The following ELOVL7 variants were observed in gnomAD, a reference collection of about 807,000 sequenced individuals.
The protein encoded by ELOVL7 is very long chain fatty acid elongase 7.
In ELOVL7, 27 loss-of-function variants were observed where a neutral mutation model predicts 35.7. The observed-to-expected ratio is 0.76, with a 90% CI of 0.56 to 1.04. The LOEUF (loss-of-function observed/expected upper bound fraction) is 1.04. ELOVL7 is among the 50% of genes least tolerant of loss of function. The pLI, the probability that ELOVL7 is intolerant of heterozygous loss-of-function variation, is 0.00. For synonymous variants in ELOVL7, 113 were observed against 114.6 expected (o/e 0.99, Z 0.09); for missense variants, 327 against 340.8 (o/e 0.96, Z 0.32).
At chr5:60,759,990 A>G (rs1259720879) in intron 7 of ELOVL7, among the ~76,000 whole-genome samples, 1 of 152,222 alleles carries the variant, frequency 6.6e-6, no homozygotes, top group African/African-American at 2.4e-5. Flanking sequence ...ATGGCTGCAT[A>G]GTATTCCATG....
At chr5:60,836,347 T>C (rs1006863481) in intron 1 of ELOVL7, among the ~76,000 whole-genome samples, 7 of 152,024 alleles carry the variant, frequency 4.6e-5, no homozygotes, top group African/African-American at 1.5e-4. Context: ...GAATGCCATT[T>C]CTATCTTCTT....
intron 3 of ELOVL7, among the ~76,000 whole-genome samples, chr5:60,782,192 CAA>C (rs1410496516): frequency 1.3e-5 from 2 of 151,716 alleles, no homozygotes; most frequent in Non-Finnish European, 2.9e-5. Context: ...ATTAAAAAAA[CAA>C]AGAGATATAA....
At chr5:60,766,449 A>T in intron 6 of ELOVL7, 125 bp downstream of exon 6, 1 of 765,422 alleles carries the variant, frequency 1.3e-6, no homozygotes, top group Non-Finnish European at 2.1e-6. Context: ...CCTGAATAGG[A>T]GAAATAACCA....
intron 1 of ELOVL7, among the ~76,000 whole-genome samples, chr5:60,832,667 A>T (rs1579939791): frequency 6.8e-6 from 1 of 147,540 alleles, no homozygotes; most frequent in South Asian, 2.2e-4. Context: ...CCCAGCCGGA[A>T]TTTTTTTTTT....
At chr5:60,814,878 T>C (rs565069624) in intron 1 of ELOVL7, among the ~76,000 whole-genome samples, 29 of 152,196 alleles carry the variant, frequency 1.9e-4, no homozygotes, top group Non-Finnish European at 3.2e-4. Context: ...TTGTGAATGG[T>C]AAGCAGAAAA....
chr5:60,804,276 C>T (rs1420163456), intron 1 of ELOVL7, among the ~76,000 whole-genome samples: 1 of 152,176 alleles, frequency 6.6e-6, no homozygotes, highest in Non-Finnish European at 1.5e-5. Flanking sequence ...TGAATCTAAG[C>T]AGAGCAATCA....
At chr5:60,808,563 C>T (rs1394644102) in intron 1 of ELOVL7, among the ~76,000 whole-genome samples, 3 of 152,150 alleles carry the variant, frequency 2.0e-5, no homozygotes, top group African/African-American at 2.4e-5. Flanking sequence ...AATTGGTCAA[C>T]ACAATTCCTA....
At chr5:60,781,103 G>A (rs1743224488) in intron 3 of ELOVL7, among the ~76,000 whole-genome samples, 1 of 151,926 alleles carries the variant, frequency 6.6e-6, no homozygotes, top group African/African-American at 2.4e-5. Flanking sequence ...ACAGCTATCT[G>A]GGAGACTGAG....
chr5:60,769,726 T>A (rs1313322339), intron 4 of ELOVL7, among the ~76,000 whole-genome samples: 1 of 152,166 alleles, frequency 6.6e-6, no homozygotes, highest in Admixed American at 6.5e-5. Flanking sequence ...TGGAACTTTT[T>A]ACATATATGT....
chr5:60,766,006 C>T (rs1157127711), intron 6 of ELOVL7, among the ~76,000 whole-genome samples: 2 of 152,128 alleles, frequency 1.3e-5, no homozygotes, highest in Non-Finnish European at 2.9e-5. Flanking sequence ...TCTCCCAAGA[C>T]CCGGTCATCC....
intron 1 of ELOVL7, among the ~76,000 whole-genome samples, chr5:60,827,839 C>T (rs1746258837): frequency 6.6e-6 from 1 of 152,170 alleles, no homozygotes; most frequent in Non-Finnish European, 1.5e-5. Flanking sequence ...GGTACCACAA[C>T]CCACCTGTGG....
Position 60,766,640 on chromosome 5 carries a change from C to T in ELOVL7, c.337-10G>A. On this transcript the variant is annotated splice_polypyrimidine_tract_variant and intron_variant, in intron 5 of 8. Coordinates refer to ENST00000508821, the MANE Select transcript of ELOVL7 (RefSeq NM_024930.3). The stretch of plus-strand genomic sequence containing the variant: ...AGCAGGTACGTGCCATCTGCAGAAG[C>T]ACAAATAAATCTAAATTTATTTTGT... 1 of 1,608,428 alleles carries T rather than the reference C, an allele frequency of 6.2e-7. No individual in the cohort carries two copies. Among genetic ancestry groups the T allele is most frequent in the Non-Finnish European group, 8.5e-7 (1 of 1,177,836 alleles).
chr5:60,757,462 G>T, intron 8 of ELOVL7, 47 bp downstream of exon 8: 2 of 1,583,558 alleles, frequency 1.3e-6, no homozygotes, highest in South Asian at 2.3e-5. Context: ...GAAAACAAGT[G>T]ACTCTAGCTG....
intron 3 of ELOVL7, among the ~76,000 whole-genome samples, chr5:60,782,006 T>C (rs1184122022): frequency 6.6e-6 from 1 of 152,164 alleles, no homozygotes; most frequent in African/African-American, 2.4e-5. Flanking sequence ...TATTTAAAAG[T>C]CAAATTGCAA....
intron 2 of ELOVL7, among the ~76,000 whole-genome samples, chr5:60,788,629 G>C (rs948481074): frequency 6.7e-6 from 1 of 148,460 alleles, no homozygotes; most frequent in Admixed American, 6.7e-5. Flanking sequence ...ACAAAAACCA[G>C]CTAGGCGTGG....
chr5:60,826,566 T>C (rs1190582270), intron 1 of ELOVL7, among the ~76,000 whole-genome samples: 3 of 152,206 alleles, frequency 2.0e-5, no homozygotes, highest in Non-Finnish European at 4.4e-5. Flanking sequence ...TGCCAGTGCC[T>C]GTTTTTTAAC....
chr5:60,772,449 C>T (rs1742656786), intron 3 of ELOVL7, among the ~76,000 whole-genome samples: 1 of 152,154 alleles, frequency 6.6e-6, no homozygotes, highest in East Asian at 1.9e-4. Context: ...CCCGACCGTG[C>T]TGGCACCCTG....
At chr5:60,764,709 CT>C (rs1742132915) in intron 6 of ELOVL7, among the ~76,000 whole-genome samples, 1 of 152,042 alleles carries the variant, frequency 6.6e-6, no homozygotes, top group Non-Finnish European at 1.5e-5. Context: ...TTGAAATATT[CT>C]ACATTGCTTT....
At chr5:60,809,644 T>C (rs1316266157) in intron 1 of ELOVL7, among the ~76,000 whole-genome samples, 1 of 152,218 alleles carries the variant, frequency 6.6e-6, no homozygotes, top group Non-Finnish European at 1.5e-5. Context: ...TGAATACATT[T>C]GTAAGGCCAA....
Sources: gnomAD v4.1 joint callset for allele counts (sites outside exome capture counted in the v4.1 genomes callset) on GRCh38, gnomAD v4.1.1 for gene constraint, MANE v1.5 for transcripts, NCBI Gene and HGNC (gene_info 2026-07-23, HGNC 2026-07-21) for gene names.